GRID1: variants seen among roughly 807,000 people sequenced by gnomAD.
GRID1 encodes glutamate ionotropic receptor delta type subunit 1, also known as glutamate receptor ionotropic, delta-1.
A neutral mutation model predicts 98.0 loss-of-function variants in GRID1; 28 were observed. The ratio of observed to expected loss-of-function variants is 0.29; its 90% CI spans 0.21 to 0.39. The LOEUF is 0.39. Among genes scored for constraint, GRID1 ranks in the 10% least tolerant of loss-of-function variants. The pLI is 1.00. For missense variants in GRID1, 1,111 were observed against 1,340.5 expected (o/e 0.83, Z 2.67); for synonymous variants, 553 against 538.5 (o/e 1.03, Z -0.37).
chr10:86,182,158 G>C (rs1265965207), intron 3 of GRID1, among the ~76,000 whole-genome samples: 2 of 152,196 alleles, frequency 1.3e-5, no homozygotes, highest in Non-Finnish European at 2.9e-5. Flanking sequence ...TATGGGGTGA[G>C]ACCATGGCTG....
At chr10:86,011,544 A>G (rs1387957913) in intron 4 of GRID1, among the ~76,000 whole-genome samples, 3 of 152,194 alleles carry the variant, frequency 2.0e-5, no homozygotes, top group Non-Finnish European at 4.4e-5. Context: ...AAATGAAGGA[A>G]AGAGGAAAAA....
intron 8 of GRID1, among the ~76,000 whole-genome samples, chr10:85,838,889 T>C (rs982932036): frequency 2.0e-5 from 3 of 152,204 alleles, no homozygotes; most frequent in Middle Eastern, 3.4e-3. Flanking sequence ...TTATGCTGTC[T>C]TCAAGAGACC....
intron 4 of GRID1, among the ~76,000 whole-genome samples, chr10:85,972,467 A>G (rs975233131): frequency 4.1e-5 from 6 of 148,056 alleles, no homozygotes; most frequent in African/African-American, 1.5e-4. Context: ...ATATATTTAT[A>G]TAAATATATT....
chr10:85,861,064 A>G (rs1464030243), intron 6 of GRID1, among the ~76,000 whole-genome samples: 1 of 152,240 alleles, frequency 6.6e-6, no homozygotes, highest in Non-Finnish European at 1.5e-5. Flanking sequence ...CCAGATTTCA[A>G]TATGTATGAG....
At chr10:85,928,684 G>A (rs892761954) in intron 4 of GRID1, among the ~76,000 whole-genome samples, 6 of 152,194 alleles carry the variant, frequency 3.9e-5, no homozygotes, top group African/African-American at 1.4e-4. Context: ...TTAAAATAAT[G>A]AGTTATACAC....
chr10:86,061,399 G>A (rs1843646603), intron 4 of GRID1, among the ~76,000 whole-genome samples: 1 of 152,086 alleles, frequency 6.6e-6, no homozygotes, highest in South Asian at 2.1e-4. Context: ...TGTCTGTCTA[G>A]GACTCCCTTT....
chr10:85,672,459 C>G (rs1258410637), intron 12 of GRID1, among the ~76,000 whole-genome samples: 1 of 152,106 alleles, frequency 6.6e-6, no homozygotes, highest in African/African-American at 2.4e-5. Flanking sequence ...AGGTGCCCAC[C>G]ACCATGCCCA....
At chr10:85,619,634 T>C (rs1448777593) in intron 14 of GRID1, among the ~76,000 whole-genome samples, 3 of 152,144 alleles carry the variant, frequency 2.0e-5, no homozygotes, top group African/African-American at 7.2e-5. Context: ...AGGCTGGCAT[T>C]ACCTGCTCCT....
intron 4 of GRID1, among the ~76,000 whole-genome samples, chr10:86,034,670 C>T (rs532407653): frequency 1.6e-4 from 24 of 151,802 alleles, no homozygotes; most frequent in Non-Finnish European, 3.2e-4. Context: ...AGGATGTCCC[C>T]TGTAATCATT....
chr10:85,932,701 A>G (rs1445017147), intron 4 of GRID1, among the ~76,000 whole-genome samples: 1 of 152,202 alleles, frequency 6.6e-6, no homozygotes, highest in Non-Finnish European at 1.5e-5. Context: ...CAATAAATCC[A>G]AAGTCCATCA....
At chr10:85,681,332 A>ATTATCTATTTT (rs1841206195) in intron 12 of GRID1, among the ~76,000 whole-genome samples, 1 of 152,174 alleles carries the variant, frequency 6.6e-6, no homozygotes, top group Non-Finnish European at 1.5e-5. Context: ...TTTAAAATGT[A>ATTATCTATTTT]TTATCTATTT....
intron 4 of GRID1, among the ~76,000 whole-genome samples, chr10:86,065,896 T>C (rs923504000): frequency 6.6e-6 from 1 of 152,216 alleles, no homozygotes; most frequent in Admixed American, 6.5e-5. Context: ...AAAGGTGTTA[T>C]TAATGAAACT....
intron 4 of GRID1, among the ~76,000 whole-genome samples, chr10:86,030,283 CAGA>C (rs541374274): frequency 2.1e-4 from 32 of 152,266 alleles, no homozygotes; most frequent in Non-Finnish European, 3.5e-4. Flanking sequence ...TAGGACAAGA[CAGA>C]AGGTTTAAGC....
At chr10:85,979,156 G>A (rs1228199840) in intron 4 of GRID1, among the ~76,000 whole-genome samples, 1 of 152,130 alleles carries the variant, frequency 6.6e-6, no homozygotes, top group East Asian at 1.9e-4. Context: ...TGAGTGCACA[G>A]AGGAAAGCCC....
At chr10:85,883,889 T>G (rs1004229695) in intron 5 of GRID1, among the ~76,000 whole-genome samples, 1 of 152,228 alleles carries the variant, frequency 6.6e-6, no homozygotes, top group Admixed American at 6.5e-5. Flanking sequence ...CATCTCCTTC[T>G]GCATAGTGTG....
At chr10:86,293,648 G>A (rs563618765) in intron 2 of GRID1, among the ~76,000 whole-genome samples, 158 of 152,276 alleles carry the variant, frequency 1.0e-3, no homozygotes, top group Non-Finnish European at 1.8e-3. Flanking sequence ...CTGGATTCAG[G>A]GCTGCAGCAT....
chr10:86,311,617 C>T (rs1212390916), intron 2 of GRID1, among the ~76,000 whole-genome samples: 1 of 151,840 alleles, frequency 6.6e-6, no homozygotes, highest in Non-Finnish European at 1.5e-5. Flanking sequence ...AAAAAATGCA[C>T]TGCTGCCTTT....
chr10:85,815,346 C>T (rs1001926989), intron 8 of GRID1, among the ~76,000 whole-genome samples: 3 of 151,912 alleles, frequency 2.0e-5, no homozygotes, highest in South Asian at 2.1e-4. Context: ...GGAAGGAATG[C>T]CTTATTTCAC....
intron 5 of GRID1, among the ~76,000 whole-genome samples, chr10:85,884,842 T>C (rs1020735039): frequency 6.6e-6 from 1 of 152,170 alleles, no homozygotes; most frequent in South Asian, 2.1e-4. Flanking sequence ...TCTACCTCCA[T>C]TTTCAATGGG....
Sources: gnomAD v4.1 joint callset for allele counts (sites outside exome capture counted in the v4.1 genomes callset) on GRCh38, gnomAD v4.1.1 for gene constraint, MANE v1.5 for transcripts, NCBI Gene and HGNC (gene_info 2026-07-23, HGNC 2026-07-21) for gene names.